The following CAMK1D variants were observed in gnomAD, a reference collection of about 807,000 sequenced individuals.
The protein encoded by CAMK1D is calcium/calmodulin dependent protein kinase ID.
CAMK1D carries 9 observed loss-of-function variants against 47.7 expected under a neutral mutation model. The observed-to-expected ratio is 0.19, with a 90% CI of 0.11 to 0.33. The LOEUF is 0.33. Ranked by LOEUF, CAMK1D falls within the 10% of genes least tolerant of loss-of-function variation. CAMK1D has a pLI of 1.00. For missense variants in CAMK1D, 291 were observed against 488.7 expected, an observed-to-expected ratio of 0.60 and a Z score of 3.81; for synonymous variants, 184 against 184.9, an observed-to-expected ratio of 0.99 and a Z score of 0.04.
chr10:12,668,901 CTTTT>C (rs1223426841), intron 3 of CAMK1D, among the ~76,000 whole-genome samples: 5 of 151,846 alleles, frequency 3.3e-5, no homozygotes, highest in African/African-American at 4.8e-5. Context: ...ATTCCTCTTT[CTTTT>C]GTGTTAAGAA....
intron 1 of CAMK1D, among the ~76,000 whole-genome samples, chr10:12,362,931 A>AC (rs1172364792): frequency 1.4e-5 from 2 of 139,348 alleles, no homozygotes; most frequent in Non-Finnish European, 3.1e-5. Flanking sequence ...GGCGTGAGCC[A>AC]CCCCGCCCGG....
intron 1 of CAMK1D, among the ~76,000 whole-genome samples, chr10:12,381,981 G>A (rs1838361659): frequency 6.6e-6 from 1 of 152,096 alleles, no homozygotes; most frequent in Non-Finnish European, 1.5e-5. Flanking sequence ...TCATTGTGTG[G>A]GTTTTTCCAC....
chr10:12,541,512 T>TACAC (rs1554785155), intron 1 of CAMK1D, among the ~76,000 whole-genome samples: 10 of 152,092 alleles, frequency 6.6e-5, no homozygotes, highest in Non-Finnish European at 8.8e-5. Flanking sequence ...TACAGGCGTG[T>TACAC]GCCACCACGC....
chr10:12,373,319 AAAG>A (rs1838060299), intron 1 of CAMK1D, among the ~76,000 whole-genome samples: 2 of 151,356 alleles, frequency 1.3e-5, no homozygotes, highest in Admixed American at 6.6e-5. Flanking sequence ...TCTCAATAAA[AAAG>A]AAAAAAGATA....
At chr10:12,685,889 G>C (rs1447625434) in intron 3 of CAMK1D, among the ~76,000 whole-genome samples, 1 of 152,142 alleles carries the variant, frequency 6.6e-6, no homozygotes, top group Non-Finnish European at 1.5e-5. Flanking sequence ...AGGATTAGGT[G>C]GGACTTCTCT....
intron 2 of CAMK1D, among the ~76,000 whole-genome samples, chr10:12,595,662 C>T (rs992994400): frequency 1.3e-5 from 2 of 152,138 alleles, no homozygotes; most frequent in African/African-American, 4.8e-5. Flanking sequence ...ACCCCTTGAC[C>T]ATGTTTCCAG....
intron 3 of CAMK1D, among the ~76,000 whole-genome samples, chr10:12,744,465 T>C (rs371244816): frequency 2.6e-5 from 4 of 152,064 alleles, no homozygotes; most frequent in Admixed American, 2.6e-4. Flanking sequence ...GGTTCCACTT[T>C]CTCTACATTC....
At chr10:12,493,424 G>T (rs1834447536) in intron 1 of CAMK1D, among the ~76,000 whole-genome samples, 1 of 152,192 alleles carries the variant, frequency 6.6e-6, no homozygotes, top group African/African-American at 2.4e-5. Flanking sequence ...TGAAACGTCA[G>T]ATGGAAGCTG....
chr10:12,461,718 AAGTAAG>A (rs1833431499), intron 1 of CAMK1D, among the ~76,000 whole-genome samples: 1 of 151,926 alleles, frequency 6.6e-6, no homozygotes, highest in Non-Finnish European at 1.5e-5. Flanking sequence ...GAAGCTTTCA[AAGTAAG>A]AATACCCAAA....
chr10:12,625,199 GGT>G lies in CAMK1D; in HGVS notation c.225-41535_225-41534del, dbSNP rs1054059113. ...TAAAAATACAAAATGAACTGGGCGT[GGT>G]GGTGCATGCCTGTAATCCCAGCTAC... is the stretch of plus-strand genomic sequence containing the variant. On this transcript the variant is annotated intron_variant, in intron 2 of 10. Coordinates refer to ENST00000619168, the MANE Select transcript of CAMK1D (RefSeq NM_153498.4). 1.0e-3 allele frequency among the ~76,000 whole-genome samples: 157 copies of G among 151,796 alleles called. 3 individuals carry two copies. Among genetic ancestry groups the G allele is most frequent in the Admixed American group, 0.01 (154 of 15,252 alleles).
intron 1 of CAMK1D, among the ~76,000 whole-genome samples, chr10:12,375,118 A>C (rs904722022): frequency 6.6e-6 from 1 of 151,896 alleles, no homozygotes; most frequent in African/African-American, 2.4e-5. Flanking sequence ...CTTTCGGGAA[A>C]ATTTTCTCTG....
chr10:12,753,113 A>G (rs1415744310), intron 3 of CAMK1D, among the ~76,000 whole-genome samples: 5 of 152,124 alleles, frequency 3.3e-5, no homozygotes, highest in African/African-American at 2.4e-5. Context: ...TTAGCTGGGC[A>G]TGGTGGCGTG....
Position 12,523,000 on chromosome 10 carries a change from C to T in CAMK1D, c.93-30225C>T, listed in dbSNP as rs569196762. On this transcript the variant is annotated intron_variant, in intron 1 of 10. Transcript: ENST00000619168. ...TCTCCCTCCCAGATGGGGTGGCTGC[C>T]GGGCGGAGACGCTCCTCACTTCCCA... Among the ~76,000 whole-genome samples the T allele has an allele frequency of 7.3e-3, 1,079 of 147,452 alleles. 105 individuals carry two copies. Among genetic ancestry groups the T allele is most frequent in the Non-Finnish European group, 0.012 (770 of 66,396 alleles).
At chr10:12,639,686 C>T (rs34584834) in intron 2 of CAMK1D, among the ~76,000 whole-genome samples, 30,373 of 151,902 alleles carry the variant, frequency 0.2, 3,302 homozygotes, top group African/African-American at 0.21. Flanking sequence ...TTATAATTAA[C>T]ATTTTGTTTT....
intron 6 of CAMK1D, among the ~76,000 whole-genome samples, chr10:12,811,302 A>T (rs527759679): frequency 6.6e-6 from 1 of 152,376 alleles, no homozygotes; most frequent in Admixed American, 6.5e-5. Flanking sequence ...CCATGGTCAC[A>T]GAAGTCCTCT....
At chr10:12,401,437 C>G (rs977468120) in intron 1 of CAMK1D, among the ~76,000 whole-genome samples, 7 of 147,556 alleles carry the variant, frequency 4.7e-5, no homozygotes, top group African/African-American at 1.8e-4. Context: ...TGTTGTCTCT[C>G]CTAATAGCTA....
chr10:12,437,278 G>A (rs1289189490), intron 1 of CAMK1D, among the ~76,000 whole-genome samples: 2 of 151,982 alleles, frequency 1.3e-5, no homozygotes, highest in African/African-American at 2.4e-5. Flanking sequence ...TGCAACCTCC[G>A]CCTCCTGGGT....
At chr10:12,538,325 C>T (rs746344286) in intron 1 of CAMK1D, among the ~76,000 whole-genome samples, 16 of 152,150 alleles carry the variant, frequency 1.1e-4, no homozygotes, top group African/African-American at 2.9e-4. Flanking sequence ...GTGACCCTCG[C>T]GTTTATAAGA....
chr10:12,433,405 AT>A (rs553357693), intron 1 of CAMK1D, among the ~76,000 whole-genome samples: 34 of 147,522 alleles, frequency 2.3e-4, no homozygotes, highest in East Asian at 7.9e-4. Flanking sequence ...GAAGGGTTTG[AT>A]TTTTTTTTTT....
Sources: allele counts gnomAD v4.1 joint callset (sites outside exome capture counted in the v4.1 genomes callset), GRCh38; gene constraint gnomAD v4.1.1; transcripts MANE v1.5; gene names NCBI Gene and HGNC (gene_info 2026-07-23, HGNC 2026-07-21).